The following CDKAL1 variants were observed in gnomAD, a reference collection of about 807,000 sequenced individuals.
CDKAL1 encodes CDKAL1 threonylcarbamoyladenosine tRNA methylthiotransferase.
In CDKAL1, 32 loss-of-function variants were observed where a neutral mutation model predicts 68.2. The observed-to-expected ratio is 0.47, with a 90% CI of 0.35 to 0.63. CDKAL1 has a LOEUF of 0.63. Ranked by LOEUF, CDKAL1 falls within the 30% of genes least tolerant of loss-of-function variation. CDKAL1 has a pLI of 0.00. For missense variants in CDKAL1, 606 were observed against 696.7 expected, an observed-to-expected ratio of 0.87 and a Z score of 1.47; for synonymous variants, 234 against 244.3, an observed-to-expected ratio of 0.96 and a Z score of 0.39.
At chr6:20,724,100 T>G (rs1200698525) in intron 5 of CDKAL1, among the ~76,000 whole-genome samples, 1 of 151,312 alleles carries the variant, frequency 6.6e-6, no homozygotes, top group East Asian at 1.9e-4. Context: ...ACCTGGATAC[T>G]TTTTTTTTGT....
intron 12 of CDKAL1, among the ~76,000 whole-genome samples, chr6:21,106,851 TTGTGTG>T (rs768464898): frequency 5.7e-4 from 87 of 152,250 alleles, no homozygotes; most frequent in Admixed American, 1.1e-3. Context: ...ATGTTTGTGT[TTGTGTG>T]TGTGCGTAGA....
intron 9 of CDKAL1, among the ~76,000 whole-genome samples, chr6:20,923,827 C>G (rs1424311639): frequency 6.6e-6 from 1 of 152,112 alleles, no homozygotes; most frequent in African/African-American, 2.4e-5. Flanking sequence ...GCCTGGGCAA[C>G]ATGGTGAAAC....
intron 9 of CDKAL1, among the ~76,000 whole-genome samples, chr6:20,851,965 AATTGT>A (rs1759036739): frequency 6.6e-6 from 1 of 152,086 alleles, no homozygotes. Context: ...AGGGGGCCAT[AATTGT>A]ATTCTGTTGA....
chr6:21,066,510 A>G (rs1285039415), intron 12 of CDKAL1, among the ~76,000 whole-genome samples: 1 of 152,248 alleles, frequency 6.6e-6, no homozygotes, highest in African/African-American at 2.4e-5. Context: ...GTACAGTTCT[A>G]TGACTTCTAG....
intron 8 of CDKAL1, among the ~76,000 whole-genome samples, chr6:20,788,203 C>G (rs1349487405): frequency 6.6e-6 from 1 of 152,234 alleles, no homozygotes; most frequent in Non-Finnish European, 1.5e-5. Flanking sequence ...GGTGGCCTTT[C>G]TGATTAAATA....
At chr6:20,550,513 G>C (rs1763776729) in intron 4 of CDKAL1, among the ~76,000 whole-genome samples, 1 of 151,856 alleles carries the variant, frequency 6.6e-6, no homozygotes, top group African/African-American at 2.4e-5. Context: ...CCCCAGTCTT[G>C]GAAGCAACCA....
At chr6:21,223,240 C>T (rs1779601929) in intron 15 of CDKAL1, among the ~76,000 whole-genome samples, 1 of 152,180 alleles carries the variant, frequency 6.6e-6, no homozygotes, top group Admixed American at 6.5e-5. Context: ...CAATGTATCT[C>T]AGAAGTGTTG....
In CDKAL1 at chr6:20,570,868, TC is replaced by T. The variant is rs545260050; in HGVS notation, c.286+22164del. Reference sequence around the variant, plus strand: ...GGTAAAATGTACCCTTATAGTCTCTTCATTTAGTGCAATATCTTTATTGTGG... The same window carrying T: ...GGTAAAATGTACCCTTATAGTCTCTTATTTAGTGCAATATCTTTATTGTGG... On this transcript the variant is annotated intron_variant, in intron 4 of 15. Coordinates refer to ENST00000274695, the MANE Select transcript of CDKAL1 (RefSeq NM_017774.3). Among the ~76,000 whole-genome samples, 130 of 152,298 alleles carry T rather than the reference TC, an allele frequency of 8.5e-4. 1 individual carries two copies. Among genetic ancestry groups the T allele is most frequent in the Non-Finnish European group, 5.9e-5 (4 of 68,016 alleles).
chr6:21,141,913 T>A (rs1775931644), intron 13 of CDKAL1, among the ~76,000 whole-genome samples: 1 of 152,126 alleles, frequency 6.6e-6, no homozygotes, highest in African/African-American at 2.4e-5. Flanking sequence ...ACAGAATAAT[T>A]TTGTGTCTCT....
chr6:20,676,539 C>A (rs917628162), intron 5 of CDKAL1, among the ~76,000 whole-genome samples: 1 of 151,884 alleles, frequency 6.6e-6, no homozygotes, highest in Admixed American at 6.6e-5. Context: ...TGGTGGCAGG[C>A]GCCTGTGGTC....
intron 13 of CDKAL1, among the ~76,000 whole-genome samples, chr6:21,164,370 G>T (rs1360844011): frequency 6.6e-6 from 1 of 151,866 alleles, no homozygotes; most frequent in African/African-American, 2.4e-5. Context: ...CCAGAACCCA[G>T]AAAACTGGGA....
chr6:21,133,957 TTTAA>T (rs1257548264), intron 13 of CDKAL1, among the ~76,000 whole-genome samples: 3 of 152,236 alleles, frequency 2.0e-5, no homozygotes, highest in African/African-American at 7.2e-5. Flanking sequence ...TATATGTATC[TTTAA>T]TTGCCTCTTG....
intron 11 of CDKAL1, among the ~76,000 whole-genome samples, chr6:21,043,477 T>C (rs1040043098): frequency 6.6e-6 from 1 of 152,164 alleles, no homozygotes; most frequent in Admixed American, 6.6e-5. Context: ...CTTAGAGATA[T>C]TTTGTATGCA....
At chr6:21,072,197 C>T (rs938985607) in intron 12 of CDKAL1, among the ~76,000 whole-genome samples, 1 of 152,116 alleles carries the variant, frequency 6.6e-6, no homozygotes, top group Non-Finnish European at 1.5e-5. Flanking sequence ...GTATTTACTT[C>T]GCCTCTTAGA....
rs540786609 is a variant in CDKAL1 at position 21,027,784 on chromosome 6, C to G, written c.1055+27412C>G. ...TATAAATTCCCCAGTCTATGGTAAT[C>G]TGTTACAGCAGCAGGAAACAGGCTA... On this transcript the variant is annotated intron_variant, in intron 11 of 15. Transcript: ENST00000274695. Among the ~76,000 whole-genome samples the G allele has an allele frequency of 3.9e-5, 6 of 152,306 alleles. No homozygotes were observed. The East Asian group carries it at 7.7e-4, about 20-fold the overall frequency.
chr6:21,005,285 C>A (rs1194043166), intron 11 of CDKAL1, among the ~76,000 whole-genome samples: 1 of 152,124 alleles, frequency 6.6e-6, no homozygotes, highest in Non-Finnish European at 1.5e-5. Flanking sequence ...ATAAACCATG[C>A]ATTAACATAT....
Position 21,053,661 on chromosome 6 carries a change from C to T in CDKAL1, c.1056-11387C>T, listed in dbSNP as rs150952753. On this transcript the variant is annotated intron_variant, in intron 11 of 15. Transcript: ENST00000274695. The stretch of plus-strand genomic sequence containing the variant: ...TTTTTTTCAGTCTTTTTGGTACAGC[C>T]ATTCTACTGGATGTGTGGCATTTTA... Among the ~76,000 whole-genome samples the T allele has an allele frequency of 8.1e-4, 124 of 152,154 alleles. 1 individual carries two copies. Among genetic ancestry groups the T allele is most frequent in the African/African-American group, 2.8e-3 (118 of 41,508 alleles).
chr6:20,541,660 A>G lies in CDKAL1; in HGVS notation c.-5-4686A>G, dbSNP rs78028937. ...CTAGGGAAAGGGAAGTCTGTGATTG[A>G]CAGTCTTTTTTTTTTTTGAGACAGA... On this transcript the variant is annotated intron_variant, in intron 2 of 15. Coordinates refer to ENST00000274695, the MANE Select transcript of CDKAL1 (RefSeq NM_017774.3). Among the ~76,000 whole-genome samples the G allele has an allele frequency of 3.5e-3, 524 of 150,768 alleles. 1 individual carries two copies. The highest frequency in any genetic ancestry group is 5.3e-3 in the Non-Finnish European group (361 of 67,682).
chr6:20,985,313 GAC>G lies in CDKAL1; in HGVS notation c.910-14912_910-14911del, dbSNP rs573380618. On this transcript the variant is annotated intron_variant, in intron 10 of 15. Coordinates refer to ENST00000274695, the MANE Select transcript of CDKAL1 (RefSeq NM_017774.3). Reference sequence around the variant, plus strand: ...GTTTGTTTGTTTTTGGTTTTGTTGAGACAGAGTTTCACTCTTGTTGCCCAGGC... The same window carrying G: ...GTTTGTTTGTTTTTGGTTTTGTTGAGAGAGTTTCACTCTTGTTGCCCAGGC... Among the ~76,000 whole-genome samples the G allele has an allele frequency of 4.3e-4, 65 of 152,192 alleles. No individual in the cohort carries two copies. The East Asian group carries it at 0.012, about 28-fold the overall frequency.
Sources: allele counts gnomAD v4.1 joint callset (sites outside exome capture counted in the v4.1 genomes callset), GRCh38; gene constraint gnomAD v4.1.1; transcripts MANE v1.5; gene names NCBI Gene and HGNC (gene_info 2026-07-23, HGNC 2026-07-21).